Variants in ALDH2 observed in about 807,000 individuals in gnomAD.
ALDH2 encodes the protein aldehyde dehydrogenase, mitochondrial.
Under a neutral mutation model 59.6 loss-of-function variants are expected in ALDH2, and 44 were observed. The observed-to-expected ratio is 0.74, with a 90% confidence interval of 0.58 to 0.95. The LOEUF (loss-of-function observed/expected upper bound fraction) is 0.95. ALDH2 is among the 40% of genes least tolerant of loss of function. The probability of loss-of-function intolerance (pLI) is 0.00; values close to 1 mark genes in which losing one functional copy is unlikely to be tolerated. For missense variants in ALDH2, 570 were observed against 696.3 expected, an observed-to-expected ratio of 0.82 and a Z score of 2.04; for synonymous variants, 291 against 284.0, an observed-to-expected ratio of 1.02 and a Z score of -0.25.
At chr12:111,782,234 G>A (rs1221207260) in intron 2 of ALDH2, among the ~76,000 whole-genome samples, 1 of 152,074 alleles carries the variant, frequency 6.6e-6, no homozygotes, top group African/African-American at 2.4e-5. Flanking sequence ...AAGTGAATTC[G>A]GCAAATATCT....
chr12:111,775,399 G>A (rs970165350), intron 1 of ALDH2, among the ~76,000 whole-genome samples: 2 of 152,114 alleles, frequency 1.3e-5, no homozygotes, highest in Middle Eastern at 3.4e-3. Flanking sequence ...TGTTTCCTGC[G>A]CCCTCTCCTC....
intron 9 of ALDH2, among the ~76,000 whole-genome samples, chr12:111,794,580 C>T (rs1426531111): frequency 6.6e-6 from 1 of 152,124 alleles, no homozygotes; most frequent in Non-Finnish European, 1.5e-5. Context: ...GATCATGGCT[C>T]ACTGCAGGCT....
Position 111,810,890 on chromosome 12 carries a change from T to C in ALDH2, c.*1315T>C, listed in dbSNP as rs2068530904. The stretch of plus-strand genomic sequence containing the variant: ...GCCCAATTCAGTTCTCAGTAAAAAC[T>C]TGATCAGGCCAAATGAAAGTGACAT... On this transcript the variant is annotated 3_prime_UTR_variant, in exon 13 of 13. Coordinates refer to ENST00000261733, the MANE Select transcript of ALDH2 (RefSeq NM_000690.4). The C allele has an allele frequency of 6.6e-6, 1 of 152,100 alleles. No individual in the cohort carries two copies. The highest frequency in any genetic ancestry group is 2.4e-5 in the African/African-American group (1 of 41,426). The allele number at this position is 152,100 out of a possible 1,614,324, so 9.4% of individuals were successfully genotyped here.
chr12:111,792,870 G>T, intron 9 of ALDH2, 88 bp downstream of exon 9: 2 of 1,394,662 alleles, frequency 1.4e-6, no homozygotes, highest in African/African-American at 1.4e-5. Flanking sequence ...TTGGGACTGG[G>T]TTCAGGTCTC....
chr12:111,789,832 C>T lies in ALDH2; in HGVS notation c.450C>T (p.Ala150=), dbSNP rs372921830. 78 of 1,613,804 alleles carry T rather than the reference C, an allele frequency of 4.8e-5. No homozygotes were observed. The highest frequency in any genetic ancestry group is 1.5e-4 in the African/African-American group (11 of 74,906). The stretch of plus-strand genomic sequence containing the variant: ...GTTTCTTTGTTTAAAGGTATTATGC[C>T]GGCTGGGCTGATAAGTACCACGGGA... The part of the protein sequence containing the change: ...DMVLKCLRYY[A]GWADKYHGKT... The change falls in exon 5 of 13, where the codon GCC becomes GCT. Residue 150 remains alanine, a synonymous_variant. Transcript: ENST00000261733.
rs1197124707 is a variant in ALDH2, at chr12:111,811,469, T to C, written c.*1894T>C. On this transcript the variant is annotated 3_prime_UTR_variant, in exon 13 of 13. Coordinates refer to ENST00000261733, the MANE Select transcript of ALDH2 (RefSeq NM_000690.4). ...TTGAGTCTTGACAATGTATTTTCTT[T>C]TTTTTTTTCTTCTTTTTTTTTTGAG... 1 of 152,130 alleles carries C rather than the reference T, an allele frequency of 6.6e-6. No homozygotes were observed. The highest frequency in any genetic ancestry group is 2.1e-4 in the South Asian group (1 of 4,822). The allele number at this position is 152,130 out of a possible 1,614,324, so 9.4% of individuals were successfully genotyped here.
intron 12 of ALDH2, 57 bp from the exon 13 acceptor site, chr12:111,809,486 G>A: frequency 2.5e-6 from 4 of 1,600,160 alleles, no homozygotes; most frequent in Non-Finnish European, 2.6e-6. Flanking sequence ...TAGCTGAGGG[G>A]ACCTACAGAT....
intron 1 of ALDH2, among the ~76,000 whole-genome samples, 184 bp downstream of exon 1, chr12:111,767,280 T>A (rs994921063): frequency 2.6e-5 from 4 of 152,130 alleles, no homozygotes; most frequent in Admixed American, 1.3e-4. Flanking sequence ...CTTCGCCGCC[T>A]CTGACAGTCC....
At chr12:111,800,158 A>G in intron 11 of ALDH2, 95 bp downstream of exon 11, 4 of 1,412,354 alleles carry the variant, frequency 2.8e-6, no homozygotes, top group Non-Finnish European at 3.8e-6. Context: ...GAATTTGGGG[A>G]GCTGGGCTCA....
At chr12:111,776,771 A>G (rs113648146) in intron 1 of ALDH2, among the ~76,000 whole-genome samples, 4,012 of 151,346 alleles carry the variant, frequency 0.027, 182 homozygotes, top group African/African-American at 0.091. Flanking sequence ...TGCAACCTCC[A>G]TCTCCTAGGT....
chr12:111,790,517 G>C lies in ALDH2; in HGVS notation c.636G>C (p.Glu212Asp). The change falls in exon 6 of 13, where the codon GAG (glutamate) becomes GAC (aspartate). Residue 212 changes from glutamate to aspartate, a missense_variant. Coordinates refer to ENST00000261733, the MANE Select transcript of ALDH2 (RefSeq NM_000690.4). ...ACGTGGTTGTGATGAAGGTAGCTGA[G>C]CAGACACCCCTCACCGCCCTCTATG... The part of the protein sequence containing the change: ...TGNVVVMKVA[E>D]QTPLTALYVA... 6.2e-7 allele frequency: 1 copy of C among 1,614,194 alleles called. No individual in the cohort carries two copies. The highest frequency in any genetic ancestry group is 8.5e-7 in the Non-Finnish European group (1 of 1,180,032).
intron 7 of ALDH2, among the ~76,000 whole-genome samples, 158 bp downstream of exon 7, chr12:111,791,577 C>A (rs899458496): frequency 4.6e-5 from 7 of 152,192 alleles, no homozygotes; most frequent in African/African-American, 1.7e-4. Context: ...CAGGGTTGAG[C>A]CCTTCGTGGT....
chr12:111,810,833 A>C lies in ALDH2; in HGVS notation c.*1258A>C, dbSNP rs1360229206. The C allele has an allele frequency of 6.6e-6, 1 of 152,118 alleles. No individual in the cohort carries two copies. The highest frequency in any genetic ancestry group is 2.1e-4 in the South Asian group (1 of 4,818). 9.4% of individuals were successfully genotyped at this position (152,118 alleles called of 1,614,324 possible). On this transcript the variant is annotated 3_prime_UTR_variant, in exon 13 of 13. Transcript: ENST00000261733. ...AGTGATCCTCCCGCCTTAGCCTCCT[A>C]AGGTGCTGGGATTACAGGTGTGAGC...
intron 4 of ALDH2, among the ~76,000 whole-genome samples, chr12:111,788,149 G>A (rs1246287233): frequency 6.6e-6 from 1 of 152,184 alleles, no homozygotes; most frequent in African/African-American, 2.4e-5. Context: ...GGCGGAGGTT[G>A]CAGTGAGCTG....
rs1338749316 is a variant in ALDH2, at chr12:111,790,700, G to C, written c.681+138G>C. On this transcript the variant is annotated intron_variant, in intron 6 of 12. Coordinates refer to ENST00000261733, the MANE Select transcript of ALDH2 (RefSeq NM_000690.4). ...CCCCATCACCATGTGAACCAGAGTG[G>C]CTCCCTCTTAGCTTTTTTCCACATT... 7 of 1,168,512 alleles carry C rather than the reference G, an allele frequency of 6.0e-6. No individual in the cohort carries two copies. In the African/African-American group the frequency reaches 9.3e-5, roughly 15 times the overall value. 72.4% of individuals were successfully genotyped at this position (1,168,512 alleles called of 1,614,324 possible). A position where few individuals can be genotyped will look rare whatever the true frequency, so the allele number is the denominator to read the frequency against.
chr12:111,799,938 C>T lies in ALDH2; in HGVS notation c.1281C>T (p.Phe427=), dbSNP rs893285841. Residue 427 remains phenylalanine (F), a synonymous_variant, in exon 11 of 13, where the codon TTC becomes TTT. Transcript: ENST00000261733. Reference sequence around the variant, plus strand: ...GGCCAGTGATGCAGATCCTGAAGTTCAAGACCATAGAGGAGGTTGTTGGGA... The same window carrying T: ...GGCCAGTGATGCAGATCCTGAAGTTTAAGACCATAGAGGAGGTTGTTGGGA... The part of the protein sequence containing the change: ...IFGPVMQILK[F]KTIEEVVGRA... The T allele has an allele frequency of 1.9e-6, 3 of 1,613,924 alleles. No homozygotes were observed. The African/African-American group carries it at 4.0e-5, about 22-fold the overall frequency.
chr12:111,808,338 C>G (rs914739771), intron 12 of ALDH2, among the ~76,000 whole-genome samples: 1 of 152,056 alleles, frequency 6.6e-6, no homozygotes, highest in Non-Finnish European at 1.5e-5. Flanking sequence ...GTGATGATTG[C>G]ACAACTTAAA....
chr12:111,798,116 C>T lies in ALDH2; in HGVS notation c.1122C>T (p.Ile374=). 1.9e-6 allele frequency: 3 copies of T among 1,614,120 alleles called. No homozygotes were observed. Among genetic ancestry groups the T allele is most frequent in the Non-Finnish European group, 2.5e-6 (3 of 1,179,996 alleles). The change falls in exon 10 of 13, where the codon ATC becomes ATT. Residue 374 remains isoleucine, a synonymous_variant. Coordinates refer to ENST00000261733, the MANE Select transcript of ALDH2 (RefSeq NM_000690.4). ...ETQFKKILGY[I]NTGKQEGAKL... ...AGTTTAAGAAGATCCTCGGCTACAT[C>T]AACACGGGGAAGCAAGAGGGGGCGA...
In ALDH2 at chr12:111,791,094, G is replaced by C. The variant is rs192386824; in HGVS notation, c.682-212G>C. Among the ~76,000 whole-genome samples the C allele has an allele frequency of 3.9e-5, 6 of 152,280 alleles. No homozygotes were observed. In the East Asian group the frequency reaches 1.2e-3, roughly 29 times the overall value. ...CTGTTGTTCTAAGTGAATGCTGTCAGGGGAGGGGCAAAGACACAGGGAACC... is the reference window on the plus strand; with the variant it reads ...CTGTTGTTCTAAGTGAATGCTGTCACGGGAGGGGCAAAGACACAGGGAACC... On this transcript the variant is annotated intron_variant, in intron 6 of 12. Coordinates refer to ENST00000261733, the MANE Select transcript of ALDH2 (RefSeq NM_000690.4).
Sources: gnomAD v4.1 joint callset for allele counts (sites outside exome capture counted in the v4.1 genomes callset) on GRCh38, gnomAD v4.1.1 for gene constraint, MANE v1.5 for transcripts, NCBI Gene and HGNC (gene_info 2026-07-23, HGNC 2026-07-21) for gene names.